The following GPBP1 variants were observed in gnomAD, a reference collection of about 807,000 sequenced individuals.
GPBP1 encodes the protein GC-rich promoter binding protein 1, also known as vasculin.
In GPBP1, 13 loss-of-function variants were observed where a neutral mutation model predicts 56.5. That is an observed-to-expected ratio of 0.23 (90% CI 0.15 to 0.37). The LOEUF (loss-of-function observed/expected upper bound fraction) is 0.37, where lower values mean the gene tolerates loss of function less well. Among genes scored for constraint, GPBP1 ranks in the 10% least tolerant of loss-of-function variants. The pLI, the probability that GPBP1 is intolerant of heterozygous loss-of-function variation, is 1.00. For synonymous variants in GPBP1, 204 were observed against 188.9 expected (o/e 1.08, Z -0.66); for missense variants, 477 against 572.3 (o/e 0.83, Z 1.70).
chr5:57,177,648 C>CTTT (rs58708281), intron 2 of GPBP1, among the ~76,000 whole-genome samples: 1,022 of 92,150 alleles, frequency 0.011, 65 homozygotes, highest in African/African-American at 0.028. Flanking sequence ...CAATTTTTGC[C>CTTT]TTTTTTTTTT....
At chr5:57,198,334 T>G (rs1356146700) in intron 2 of GPBP1, among the ~76,000 whole-genome samples, 1 of 152,214 alleles carries the variant, frequency 6.6e-6, no homozygotes, top group Non-Finnish European at 1.5e-5. Flanking sequence ...GGCCTTTTCA[T>G]TATCACAGTT....
At chr5:57,198,704 C>A (rs1754870698) in intron 2 of GPBP1, among the ~76,000 whole-genome samples, 1 of 152,000 alleles carries the variant, frequency 6.6e-6, no homozygotes, top group South Asian at 2.1e-4. Context: ...CAAACATTAG[C>A]CGAGCATGGT....
chr5:57,256,896 T>G (rs1007093214), intron 10 of GPBP1, among the ~76,000 whole-genome samples: 1 of 152,110 alleles, frequency 6.6e-6, no homozygotes, highest in Non-Finnish European at 1.5e-5. Context: ...ATTTTAGGGG[T>G]TTTTTTCCCT....
chr5:57,251,015 G>T lies in GPBP1; in HGVS notation c.1034G>T (p.Arg345Leu), dbSNP rs1325531825. 2.0e-5 allele frequency: 33 copies of T among 1,610,644 alleles called. No individual in the cohort carries two copies. Among genetic ancestry groups the T allele is most frequent in the Non-Finnish European group, 2.7e-5 (32 of 1,179,028 alleles). ...ACTCACCAAGAAAGGGATATAAACC[G>T]AAACTTCGATGAAAATGAAATTCCT... is the stretch of plus-strand genomic sequence containing the variant. The part of the protein sequence containing the change: ...NSTHQERDIN[R>L]NFDENEIPQE... Residue 345 changes from arginine to leucine, a missense_variant, in exon 10 of 12, where the codon CGA becomes CTA. By Grantham distance (102) the Arg-to-Leu change is moderately radical. Around this residue, in one of 2 missense-constraint regions of GPBP1, gnomAD observed 414 missense variants for 458.2 expected, o/e 0.90. Coordinates refer to ENST00000506184, the MANE Select transcript of GPBP1 (RefSeq NM_022913.4).
At chr5:57,190,891 A>G (rs934980522) in intron 2 of GPBP1, among the ~76,000 whole-genome samples, 1 of 151,496 alleles carries the variant, frequency 6.6e-6, no homozygotes, top group African/African-American at 2.4e-5. Context: ...ATTTTTTGGT[A>G]GAGACGGGGT....
At chr5:57,243,407 C>G (rs1740926549) in intron 6 of GPBP1, among the ~76,000 whole-genome samples, 2 of 152,084 alleles carry the variant, frequency 1.3e-5, no homozygotes, top group Non-Finnish European at 2.9e-5. Context: ...ATATCCCTCC[C>G]CTTTCCTCTC....
intron 3 of GPBP1, among the ~76,000 whole-genome samples, chr5:57,219,603 T>C (rs1755864230): frequency 6.6e-6 from 1 of 152,120 alleles, no homozygotes; most frequent in Admixed American, 6.6e-5. Context: ...TGTACCGAGC[T>C]GCTCTTGTTT....
intron 10 of GPBP1, among the ~76,000 whole-genome samples, chr5:57,259,518 A>G (rs1348145902): frequency 6.6e-6 from 1 of 152,232 alleles, no homozygotes; most frequent in Non-Finnish European, 1.5e-5. Flanking sequence ...AAGCAATGAT[A>G]GCAGTCATTT....
At chr5:57,261,035 G>T (rs1000982990) in intron 10 of GPBP1, 145 bp from the exon 11 acceptor site, 2 of 506,554 alleles carry the variant, frequency 3.9e-6, no homozygotes, top group Admixed American at 7.3e-5. Context: ...GATACTCAAA[G>T]CCTGAGCTCA....
At chr5:57,201,615 G>A (rs1409921349) in intron 2 of GPBP1, among the ~76,000 whole-genome samples, 2 of 152,130 alleles carry the variant, frequency 1.3e-5, no homozygotes, top group Non-Finnish European at 2.9e-5. Flanking sequence ...AACACCTAGG[G>A]TAGCCGACAC....
chr5:57,218,611 T>C (rs1372100399), intron 3 of GPBP1, among the ~76,000 whole-genome samples: 1 of 152,118 alleles, frequency 6.6e-6, no homozygotes, highest in Non-Finnish European at 1.5e-5. Flanking sequence ...TTACTGGCCC[T>C]GTGCTGAGAC....
chr5:57,234,739 C>G (rs1294139883), intron 5 of GPBP1, among the ~76,000 whole-genome samples: 1 of 152,146 alleles, frequency 6.6e-6, no homozygotes, highest in Non-Finnish European at 1.5e-5. Context: ...CTCTGAGATA[C>G]AGTTGCCCAG....
chr5:57,247,261 T>C, intron 8 of GPBP1, 46 bp downstream of exon 8: 14 of 1,485,142 alleles, frequency 9.4e-6, no homozygotes, highest in Non-Finnish European at 1.2e-5. Flanking sequence ...ATTTTAATTA[T>C]GATAGTTTAA....
At position 57,199,275 on chromosome 5, in the gene GPBP1, TCTGA is replaced by T. The variant is rs1422031739; in HGVS notation, c.-57-14796_-57-14793del. Among the ~76,000 whole-genome samples the T allele has an allele frequency of 5.4e-5, 8 of 149,512 alleles. No individual in the cohort carries two copies. In the South Asian group the frequency reaches 8.3e-4, roughly 16 times the overall value. On this transcript the variant is annotated intron_variant, in intron 2 of 11. Transcript: ENST00000506184. Reference sequence around the variant, plus strand: ...GCTGTGTCATAGTGGTTATTTAGTTTCTGACTATTTTTTATAGTTTTTGACTCAC... The same window carrying T: ...GCTGTGTCATAGTGGTTATTTAGTTTCTATTTTTTATAGTTTTTGACTCAC...
intron 10 of GPBP1, among the ~76,000 whole-genome samples, chr5:57,259,760 T>G (rs75236744): frequency 6.6e-6 from 1 of 152,224 alleles, no homozygotes; most frequent in South Asian, 2.1e-4. Flanking sequence ...TTAAGGACTC[T>G]CTGGTGAAGC....
At chr5:57,181,948 T>C (rs541588689) in intron 2 of GPBP1, among the ~76,000 whole-genome samples, 19 of 152,354 alleles carry the variant, frequency 1.2e-4, no homozygotes, top group African/African-American at 3.6e-4. Flanking sequence ...ATTTGCTGTA[T>C]AACCCTGCAG....
chr5:57,237,144 CA>C, intron 6 of GPBP1: 2 of 1,549,576 alleles, frequency 1.3e-6, no homozygotes, highest in Non-Finnish European at 1.7e-6. Flanking sequence ...CATACCCAAC[CA>C]AAAAAATCTC....
intron 3 of GPBP1, among the ~76,000 whole-genome samples, chr5:57,222,468 G>A (rs908678727): frequency 2.0e-5 from 3 of 151,928 alleles, no homozygotes; most frequent in African/African-American, 7.2e-5. Flanking sequence ...TTACTTTTAT[G>A]CATACACCAG....
chr5:57,196,069 C>T (rs1197312944), intron 2 of GPBP1, among the ~76,000 whole-genome samples: 1 of 148,268 alleles, frequency 6.7e-6, no homozygotes, highest in Non-Finnish European at 1.5e-5. Context: ...TGCACATAGG[C>T]TCTCAGTATT....
Sources: allele counts gnomAD v4.1 joint callset (sites outside exome capture counted in the v4.1 genomes callset), GRCh38; gene constraint gnomAD v4.1.1; regional missense constraint gnomAD v4.1.1; transcripts MANE v1.5; gene names NCBI Gene and HGNC (gene_info 2026-07-23, HGNC 2026-07-21).